KLHDC2: variants seen among roughly 807,000 people sequenced by gnomAD.
KLHDC2 encodes the protein kelch domain containing 2.
Under a neutral mutation model 62.3 loss-of-function variants are expected in KLHDC2, and 38 were observed. The ratio of observed to expected loss-of-function variants is 0.61; its 90% confidence interval spans 0.47 to 0.80. KLHDC2 has a LOEUF of 0.80. Among genes scored for constraint, KLHDC2 ranks in the 30% least tolerant of loss-of-function variants. The probability of loss-of-function intolerance (pLI) is 0.00; values close to 1 mark genes in which losing one functional copy is unlikely to be tolerated. For missense variants in KLHDC2, 430 were observed against 495.3 expected, an observed-to-expected ratio of 0.87 and a Z score of 1.25; for synonymous variants, 159 against 161.0, an observed-to-expected ratio of 0.99 and a Z score of 0.09.
chr14:49,779,346 AT>A (rs1349186929), intron 6 of KLHDC2, among the ~76,000 whole-genome samples: 1 of 152,174 alleles, frequency 6.6e-6, no homozygotes, highest in African/African-American at 2.4e-5. Flanking sequence ...GCCAGCCTTT[AT>A]TTTAAAAGAG....
At position 49,768,463 on chromosome 14, in the gene KLHDC2, C is replaced by T; in HGVS notation, c.-6C>T. The T allele has an allele frequency of 1.9e-6, 3 of 1,608,260 alleles. No individual in the cohort carries two copies. Among genetic ancestry groups the T allele is most frequent in the Non-Finnish European group, 2.5e-6 (3 of 1,177,966 alleles). ...CATTGTTGGTTAGCAAAAGTGCAGC[C>T]TCAAGATGGCTGATGGCAACGAGGA... On this transcript the variant is annotated 5_prime_UTR_variant, in exon 1 of 13. Transcript: ENST00000298307.
Position 49,782,394 on chromosome 14 carries a change from C to T in KLHDC2, c.981C>T (p.Ser327=), listed in dbSNP as rs1453554261. ...GGTTATGGCACACAGCTTGTGCCAG[C>T]GATGAAGGAGAAGTAATTGTTTTTG... The part of the protein sequence containing the change: ...KPRLWHTACA[S]DEGEVIVFGG... The change falls in exon 11 of 13, where the codon AGC becomes AGT. Residue 327 remains serine (S), a synonymous_variant. Transcript: ENST00000298307. 3 of 1,612,270 alleles carry T rather than the reference C, an allele frequency of 1.9e-6. No individual in the cohort carries two copies. The highest frequency in any genetic ancestry group is 2.2e-5 in the East Asian group (1 of 44,836).
intron 3 of KLHDC2, among the ~76,000 whole-genome samples, chr14:49,776,865 C>G (rs914669979): frequency 6.6e-6 from 1 of 150,824 alleles, no homozygotes; most frequent in Admixed American, 6.6e-5. Context: ...TGCAGTGAGC[C>G]GAGATCATGC....
chr14:49,774,535 C>T (rs752702505), intron 2 of KLHDC2, 26 bp from the exon 3 acceptor site: 15 of 1,383,576 alleles, frequency 1.1e-5, no homozygotes, highest in Non-Finnish European at 1.5e-5. Flanking sequence ...CTTTAACTTA[C>T]ATACATTTAA....
At chr14:49,768,848 C>G in intron 1 of KLHDC2, 1 of 497,844 alleles carries the variant, frequency 2.0e-6, no homozygotes, top group Non-Finnish European at 3.5e-6. Context: ...TCATGTCACC[C>G]TGGTGCTCAC....
In KLHDC2 at chr14:49,780,344, TAATGA is replaced by T. The variant is rs780741659; in HGVS notation, c.883+26_883+30del. On this transcript the variant is annotated intron_variant, in intron 9 of 12. Transcript: ENST00000298307. ...CTAAGTAAGTCCTTGAAAAATATGA[TAATGA>T]AATCATCATATATCATCCATATCTA... 8.6e-6 allele frequency: 12 copies of T among 1,389,918 alleles called. No homozygotes were observed. The Admixed American group carries it at 1.2e-4, about 14-fold the overall frequency. The allele number at this position is 1,389,918 out of a possible 1,614,324, so 86.1% of individuals were successfully genotyped here. A position where few individuals can be genotyped will look rare whatever the true frequency, so the allele number is the denominator to read the frequency against.
chr14:49,769,446 C>A (rs991763795), intron 1 of KLHDC2, among the ~76,000 whole-genome samples: 1 of 152,172 alleles, frequency 6.6e-6, no homozygotes, highest in African/African-American at 2.4e-5. Context: ...CCTCCCCACG[C>A]CCGTGCCTTG....
intron 3 of KLHDC2, among the ~76,000 whole-genome samples, chr14:49,775,140 C>T (rs188714974): frequency 6.6e-6 from 1 of 152,210 alleles, no homozygotes; most frequent in East Asian, 1.9e-4. Context: ...CAGACTTTGC[C>T]GTATTTTGTT....
chr14:49,776,450 T>C (rs1038361475), intron 3 of KLHDC2, among the ~76,000 whole-genome samples: 1 of 152,222 alleles, frequency 6.6e-6, no homozygotes, highest in Non-Finnish European at 1.5e-5. Context: ...GAAAGATGAA[T>C]ATTTAATCTT....
rs1890063938 is a variant in KLHDC2 at position 49,784,490 on chromosome 14, G to GT, written c.*1537_*1538insT. 2 of 598,760 alleles carry GT rather than the reference G, an allele frequency of 3.3e-6. No homozygotes were observed. Among genetic ancestry groups the GT allele is most frequent in the Non-Finnish European group, 5.9e-6 (2 of 341,694 alleles). 37.1% of individuals were successfully genotyped at this position (598,760 alleles called of 1,614,324 possible). A position where few individuals can be genotyped will look rare whatever the true frequency, so the allele number is the denominator to read the frequency against. On this transcript the variant is annotated 3_prime_UTR_variant, in exon 13 of 13. Transcript: ENST00000298307. ...TCTATATAAAACTGGGAAAAAACAA[G>GT]AAGTAAGTCCTTTTGGTGAATATAG...
intron 6 of KLHDC2, among the ~76,000 whole-genome samples, 198 bp from the exon 7 acceptor site, chr14:49,779,397 G>A (rs1889840156): frequency 6.6e-6 from 1 of 152,174 alleles, no homozygotes. Context: ...AGCCCATTCA[G>A]TAACACATTT....
Position 49,768,245 on chromosome 14 carries a change from C to G in KLHDC2, c.-224C>G, listed in dbSNP as rs909783676. ...CGCGCCGCCGCCGCCCGGCTCCGCTCGCGGCCCCTCTGTCTGCAGGCGTGC... is the reference window on the plus strand; with the variant it reads ...CGCGCCGCCGCCGCCCGGCTCCGCTGGCGGCCCCTCTGTCTGCAGGCGTGC... On this transcript the variant is annotated 5_prime_UTR_variant, in exon 1 of 13. Transcript: ENST00000298307. The G allele has an allele frequency of 3.4e-5, 14 of 407,378 alleles. No individual in the cohort carries two copies. Among genetic ancestry groups the G allele is most frequent in the African/African-American group, 2.5e-4 (12 of 47,488 alleles). 25.2% of individuals were successfully genotyped at this position (407,378 alleles called of 1,614,324 possible). A position where few individuals can be genotyped will look rare whatever the true frequency, so the allele number is the denominator to read the frequency against.
intron 1 of KLHDC2, 148 bp from the exon 2 acceptor site, chr14:49,771,446 T>A (rs1889662025): frequency 2.0e-6 from 1 of 507,136 alleles, no homozygotes; most frequent in Non-Finnish European, 3.6e-6. Context: ...TTACCTTGAG[T>A]GTGTGGCATG....
rs1282316826 is a variant in KLHDC2, at chr14:49,784,811, G to C, written c.*1858G>C. On this transcript the variant is annotated 3_prime_UTR_variant, in exon 13 of 13. Coordinates refer to ENST00000298307, the MANE Select transcript of KLHDC2 (RefSeq NM_014315.3). ...AAAACATTTCCAAACTTTTAGCTGAGATGGTTTTACTGCTTCTAATAAGAC... is the reference window on the plus strand; with the variant it reads ...AAAACATTTCCAAACTTTTAGCTGACATGGTTTTACTGCTTCTAATAAGAC... 91 of 1,409,622 alleles carry C rather than the reference G, an allele frequency of 6.5e-5. No individual in the cohort carries two copies. The highest frequency in any genetic ancestry group is 1.8e-4 in the Middle Eastern group (1 of 5,458). 87.3% of individuals were successfully genotyped at this position (1,409,622 alleles called of 1,614,324 possible).
At chr14:49,778,011 G>T (rs1311255208) in intron 4 of KLHDC2, 57 bp downstream of exon 4, 4 of 1,099,306 alleles carry the variant, frequency 3.6e-6, no homozygotes, top group Non-Finnish European at 5.5e-6. Flanking sequence ...TTACCATTCA[G>T]GTATCCTTAG....
chr14:49,768,381 C>A lies in KLHDC2; in HGVS notation c.-88C>A. Reference sequence around the variant, plus strand: ...TCGCCACCGCCTTTTCCTTGCCTCGCGCCGCTGTGCATTTCTCTCCTTTTC... The same window carrying A: ...TCGCCACCGCCTTTTCCTTGCCTCGAGCCGCTGTGCATTTCTCTCCTTTTC... On this transcript the variant is annotated 5_prime_UTR_variant, in exon 1 of 13. Coordinates refer to ENST00000298307, the MANE Select transcript of KLHDC2 (RefSeq NM_014315.3). 1 of 1,416,888 alleles carries A rather than the reference C, an allele frequency of 7.1e-7. No homozygotes were observed. 87.8% of individuals were successfully genotyped at this position (1,416,888 alleles called of 1,614,324 possible). A position where few individuals can be genotyped will look rare whatever the true frequency, so the allele number is the denominator to read the frequency against.
Position 49,768,532 on chromosome 14 carries a change from G to T in KLHDC2, c.64G>T (p.Glu22Ter). Residue 22 changes from glutamate to a stop codon, truncating the protein, a stop_gained, in exon 1 of 13, where the codon GAG (glutamate) becomes TAG (stop). Transcript: ENST00000298307. LOFTEE classifies it high-confidence loss of function. ...DLPGPAFESY[E>*]SMELACPAER... is the part of the protein sequence containing the mutation. ...GCCTGGGCCAGCCTTCGAGAGCTAT[G>T]AGTCCATGGAGCTTGCCTGCCCCGC... is the stretch of plus-strand genomic sequence containing the variant. 1.2e-6 allele frequency: 2 copies of T among 1,610,960 alleles called. No individual in the cohort carries two copies. The highest frequency in any genetic ancestry group is 1.7e-6 in the Non-Finnish European group (2 of 1,179,000).
In KLHDC2 at chr14:49,771,639, G is replaced by C. The variant is rs1257471646; in HGVS notation, c.199G>C (p.Glu67Gln). 2 of 1,531,812 alleles carry C rather than the reference G, an allele frequency of 1.3e-6. No homozygotes were observed. The highest frequency in any genetic ancestry group is 2.2e-5 in the East Asian group (1 of 44,494). 94.9% of individuals were successfully genotyped at this position (1,531,812 alleles called of 1,614,324 possible). A position where few individuals can be genotyped will look rare whatever the true frequency, so the allele number is the denominator to read the frequency against. The change falls in exon 2 of 13, where the codon GAA becomes CAA. Residue 67 changes from glutamate to glutamine, a missense_variant. Coordinates refer to ENST00000298307, the MANE Select transcript of KLHDC2 (RefSeq NM_014315.3). ...ATATGACTTTTATCTGCCTAGAGAA[G>C]AACTATGGATCTACAACATGGAGAC... ...GLYDFYLPRE[E>Q]LWIYNMETGR...
chr14:49,768,380 G>A lies in KLHDC2; in HGVS notation c.-89G>A. The stretch of plus-strand genomic sequence containing the variant: ...TTCGCCACCGCCTTTTCCTTGCCTC[G>A]CGCCGCTGTGCATTTCTCTCCTTTT... On this transcript the variant is annotated 5_prime_UTR_variant, in exon 1 of 13. Coordinates refer to ENST00000298307, the MANE Select transcript of KLHDC2 (RefSeq NM_014315.3). The A allele has an allele frequency of 7.1e-7, 1 of 1,411,330 alleles. No homozygotes were observed. 87.4% of individuals were successfully genotyped at this position (1,411,330 alleles called of 1,614,324 possible).
Sources: allele counts gnomAD v4.1 joint callset (sites outside exome capture counted in the v4.1 genomes callset), GRCh38; gene constraint gnomAD v4.1.1; transcripts MANE v1.5; gene names NCBI Gene and HGNC (gene_info 2026-07-23, HGNC 2026-07-21).